Variants in SLC6A3 observed in about 807,000 individuals in gnomAD.
SLC6A3 encodes solute carrier family 6 member 3, also known as sodium-dependent dopamine transporter.
A neutral mutation model predicts 70.4 loss-of-function variants in SLC6A3; 19 were observed. That is an observed-to-expected ratio of 0.27 (90% CI 0.19 to 0.40). The LOEUF is 0.40. SLC6A3 is among the 10% of genes least tolerant of loss of function. The probability of loss-of-function intolerance (pLI) is 1.00; values close to 1 mark genes in which losing one functional copy is unlikely to be tolerated. For missense variants in SLC6A3, 613 were observed against 838.5 expected, an observed-to-expected ratio of 0.73 and a Z score of 3.32; for synonymous variants, 368 against 356.6, an observed-to-expected ratio of 1.03 and a Z score of -0.36.
Position 1,442,837 on chromosome 5 carries a change from T to G in SLC6A3, c.286+75A>C. The G allele has an allele frequency of 6.8e-7, 1 of 1,472,500 alleles. No individual in the cohort carries two copies. Among genetic ancestry groups the G allele is most frequent in the Non-Finnish European group, 9.5e-7 (1 of 1,053,486 alleles). 91.2% of individuals were successfully genotyped at this position (1,472,500 alleles called of 1,614,324 possible). ...TGGGAACAGCTTCATCTCGTTTCCG[T>G]ACGTGCCTTGGCCCCGGCTGCCCCT... On this transcript the variant is annotated intron_variant, in intron 2 of 14. Transcript: ENST00000270349. This position sits in a 1 kb window ranked among gnomAD's most constrained non-coding sequence, Gnocchi z 5.0.
chr5:1,422,675 G>A (rs1756474554), intron 4 of SLC6A3, among the ~76,000 whole-genome samples: 1 of 59,994 alleles, frequency 1.7e-5, no homozygotes, highest in Non-Finnish European at 2.9e-5. Flanking sequence ...GCTGCCCAGT[G>A]CTGCCCATGG....
rs761374601 is a variant in SLC6A3, at chr5:1,422,041, CTG to C, written c.654-29_654-28del. The C allele has an allele frequency of 3.1e-6, 5 of 1,603,334 alleles. No homozygotes were observed. The East Asian group carries it at 6.7e-5, about 21-fold the overall frequency. The stretch of plus-strand genomic sequence containing the variant: ...TGCAGAGGGGAGTCAGCGGGGGACT[CTG>C]TGGGTGGCTGTCAACCCACCTGGAA... On this transcript the variant is annotated intron_variant, in intron 4 of 14. Transcript: ENST00000270349.
intron 11 of SLC6A3, among the ~76,000 whole-genome samples, chr5:1,407,766 C>T (rs575551439): frequency 9.2e-5 from 14 of 152,168 alleles, no homozygotes; most frequent in Non-Finnish European, 1.6e-4. Flanking sequence ...TCCAGACACC[C>T]GTGAAAGTAC....
chr5:1,429,042 C>T (rs938567466), intron 4 of SLC6A3, among the ~76,000 whole-genome samples: 1 of 152,242 alleles, frequency 6.6e-6, no homozygotes, highest in African/African-American at 2.4e-5. Flanking sequence ...ACATCACAGC[C>T]ACTCTGGCCT....
At chr5:1,426,151 A>G (rs1222656517) in intron 4 of SLC6A3, among the ~76,000 whole-genome samples, 1 of 152,218 alleles carries the variant, frequency 6.6e-6, no homozygotes, top group Non-Finnish European at 1.5e-5. Context: ...ACTTCTGGGT[A>G]TCTACTCAAA....
At chr5:1,395,189 T>C (rs1755685754) in intron 14 of SLC6A3, among the ~76,000 whole-genome samples, 1 of 152,130 alleles carries the variant, frequency 6.6e-6, no homozygotes, top group Non-Finnish European at 1.5e-5. Flanking sequence ...AGATGCTCCA[T>C]CTGAGTGACA....
chr5:1,403,747 G>A (rs1037408875), intron 12 of SLC6A3, among the ~76,000 whole-genome samples: 8 of 152,140 alleles, frequency 5.3e-5, no homozygotes, highest in Non-Finnish European at 1.0e-4. Context: ...ATCTGATAAA[G>A]TCACAGACCT....
rs112796637 is a variant in SLC6A3 at position 1,408,234 on chromosome 5, G to T, written c.1498+792C>A. 0.17 allele frequency among the ~76,000 whole-genome samples: 25,063 copies of T among 146,392 alleles called. 2,261 individuals carry two copies. Among genetic ancestry groups the T allele is most frequent in the Middle Eastern group, 0.2 (58 of 290 alleles). ...TTTTTTTTTTTTTTTAGTAAAGATG[G>T]GGTTTTACCATGTTGGCCAGGATGG... On this transcript the variant is annotated intron_variant, in intron 11 of 14. Coordinates refer to ENST00000270349, the MANE Select transcript of SLC6A3 (RefSeq NM_001044.5). The surrounding 1 kb of genome is among the most constrained non-coding windows in gnomAD (Gnocchi z 6.4).
chr5:1,406,567 C>T lies in SLC6A3; in HGVS notation c.1499-279G>A, dbSNP rs930179871. ...CGCCCCGGCAACAGCCCCTCGGGTC[C>T]TCCTCCCCATCCCATGGCTCTCCCT... On this transcript the variant is annotated intron_variant, in intron 11 of 14. Transcript: ENST00000270349. This position sits in a 1 kb window ranked among gnomAD's most constrained non-coding sequence, Gnocchi z 8.8. 3.3e-5 allele frequency among the ~76,000 whole-genome samples: 5 copies of T among 152,218 alleles called. No homozygotes were observed. The highest frequency in any genetic ancestry group is 7.3e-5 in the Non-Finnish European group (5 of 68,038).
At chr5:1,395,276 C>A (rs28363160) in intron 14 of SLC6A3, among the ~76,000 whole-genome samples, 4,285 of 152,332 alleles carry the variant, frequency 0.028, 184 homozygotes, top group African/African-American at 0.097. Context: ...TGCTCAGGGA[C>A]TGATGAGATA....
chr5:1,412,906 C>T (rs182236937), intron 8 of SLC6A3, among the ~76,000 whole-genome samples: 87 of 152,276 alleles, frequency 5.7e-4, no homozygotes, highest in Admixed American at 9.1e-4. Flanking sequence ...GGACAGCCTC[C>T]GCGTGGGGTG....
In SLC6A3 at chr5:1,420,572, C is replaced by A; in HGVS notation, c.924G>T (p.Ala308=). Residue 308 remains alanine (A), a synonymous_variant, in exon 6 of 15, where the codon GCG becomes GCT. Coordinates refer to ENST00000270349, the MANE Select transcript of SLC6A3 (RefSeq NM_001044.5). ...GCAGTGAGCAGACTGTACTCACAGACGCCTCGCAGAGCCGGTAGAAGTCAA... is the reference window on the plus strand; with the variant it reads ...GCAGTGAGCAGACTGTACTCACAGAAGCCTCGCAGAGCCGGTAGAAGTCAA... ...LSVDFYRLCE[A]SVWIDAATQV... 1 of 1,613,284 alleles carries A rather than the reference C, an allele frequency of 6.2e-7. No individual in the cohort carries two copies. The highest frequency in any genetic ancestry group is 8.5e-7 in the Non-Finnish European group (1 of 1,180,016).
chr5:1,443,449 C>T (rs1332156288), intron 1 of SLC6A3, among the ~76,000 whole-genome samples: 2 of 152,212 alleles, frequency 1.3e-5, no homozygotes, highest in Admixed American at 6.5e-5. Flanking sequence ...GGCTGGGGCA[C>T]TGGCCCATGG....
chr5:1,398,954 G>A (rs1755781474), intron 14 of SLC6A3, among the ~76,000 whole-genome samples: 2 of 152,236 alleles, frequency 1.3e-5, no homozygotes, highest in South Asian at 4.1e-4. Flanking sequence ...AGTTGACAAA[G>A]TGTAGACAAT....
chr5:1,407,648 C>T lies in SLC6A3; in HGVS notation c.1499-1360G>A, dbSNP rs182360553. Among the ~76,000 whole-genome samples the T allele has an allele frequency of 1.6e-3, 249 of 152,314 alleles. 7 individuals are homozygous for T. In the South Asian group the frequency reaches 0.049, roughly 30 times the overall value. ...CCAGGGCCGGCTTCTCCCCATCTCCCGTGGTTCCGGAGGCCATGGCAATTC... is the reference window on the plus strand; with the variant it reads ...CCAGGGCCGGCTTCTCCCCATCTCCTGTGGTTCCGGAGGCCATGGCAATTC... On this transcript the variant is annotated intron_variant, in intron 11 of 14. Coordinates refer to ENST00000270349, the MANE Select transcript of SLC6A3 (RefSeq NM_001044.5).
At chr5:1,415,794 T>C (rs954289923) in intron 7 of SLC6A3, among the ~76,000 whole-genome samples, 7 of 152,038 alleles carry the variant, frequency 4.6e-5, no homozygotes, top group African/African-American at 1.7e-4. Context: ...TGTGTCCTTG[T>C]GGAGGGAGGG....
In SLC6A3 at chr5:1,410,567, C is replaced by T. The variant is rs556626585; in HGVS notation, c.1269+676G>A. Among the ~76,000 whole-genome samples the T allele has an allele frequency of 1.1e-4, 16 of 152,308 alleles. No individual in the cohort carries two copies. The South Asian group carries it at 3.3e-3, about 32-fold the overall frequency. ...GCCGATCAAGGGCTGGACCCGCCAC[C>T]CCCAGCAGCTGGAGGTGCAGGGGCC... On this transcript the variant is annotated intron_variant, in intron 9 of 14. Coordinates refer to ENST00000270349, the MANE Select transcript of SLC6A3 (RefSeq NM_001044.5).
intron 4 of SLC6A3, among the ~76,000 whole-genome samples, chr5:1,422,797 G>C (rs71595041): frequency 5.2e-3 from 181 of 34,536 alleles, no homozygotes; most frequent in Middle Eastern, 0.028. Flanking sequence ...GCTGCCCACG[G>C]TGCTGGGTAC....
At chr5:1,395,533 C>A (rs954131081) in intron 14 of SLC6A3, among the ~76,000 whole-genome samples, 1 of 152,200 alleles carries the variant, frequency 6.6e-6, no homozygotes, top group Non-Finnish European at 1.5e-5. Flanking sequence ...CAAGAGCCTG[C>A]AGGGACCTCC....
Sources: allele counts gnomAD v4.1 joint callset (sites outside exome capture counted in the v4.1 genomes callset), GRCh38; gene constraint gnomAD v4.1.1; non-coding constraint Gnocchi (gnomAD v3.1); transcripts MANE v1.5; gene names NCBI Gene and HGNC (gene_info 2026-07-23, HGNC 2026-07-21).